The following MAPK10 variants were observed in gnomAD, a reference collection of about 807,000 sequenced individuals.
The protein encoded by MAPK10 is JNK3 alpha protein kinase.
MAPK10 carries 25 observed loss-of-function variants against 59.3 expected under a neutral mutation model. That is an observed-to-expected ratio of 0.42 (90% CI 0.31 to 0.59). The LOEUF is 0.59. Among genes scored for constraint, MAPK10 ranks in the 20% least tolerant of loss-of-function variants. The probability of loss-of-function intolerance (pLI) is 0.15; values close to 1 mark genes in which losing one functional copy is unlikely to be tolerated. For missense variants in MAPK10, 351 were observed against 568.9 expected (o/e 0.62, Z 3.90); for synonymous variants, 190 against 200.5 (o/e 0.95, Z 0.44).
intron 11 of MAPK10, chr4:86,031,713 G>A (rs1000888927): frequency 1.9e-5 from 6 of 319,976 alleles, no homozygotes; most frequent in Middle Eastern, 9.2e-4. Context: ...TAGAACCCAC[G>A]CCTAAGCAAT....
At chr4:86,245,534 A>G (rs753702246) in intron 2 of MAPK10, among the ~76,000 whole-genome samples, 111 of 152,120 alleles carry the variant, frequency 7.3e-4, no homozygotes, top group Non-Finnish European at 1.3e-3. Flanking sequence ...AGTTCTCACT[A>G]TATTGCCCAG....
At position 86,042,472 on chromosome 4, in the gene MAPK10, C is replaced by T. The variant is rs991656994; in HGVS notation, c.1111-11041G>A. Among the ~76,000 whole-genome samples the T allele has an allele frequency of 4.0e-5, 6 of 151,840 alleles. No individual in the cohort carries two copies. In the East Asian group the frequency reaches 1.2e-3, roughly 29 times the overall value. The stretch of plus-strand genomic sequence containing the variant: ...ACCTGCACGTTCTGCACATGTATCC[C>T]AGAACTTAAAGTAAAATTTTAAAAA... On this transcript the variant is annotated intron_variant, in intron 11 of 13. Coordinates refer to ENST00000641462, the MANE Select transcript of MAPK10 (RefSeq NM_138982.4).
chr4:86,578,491 A>G (rs769808740), intron 1 of MAPK10, among the ~76,000 whole-genome samples: 32 of 152,208 alleles, frequency 2.1e-4, no homozygotes, highest in Admixed American at 5.2e-4. Context: ...TTGCTTCTAC[A>G]AAGACATAAC....
intron 2 of MAPK10, among the ~76,000 whole-genome samples, chr4:86,291,495 G>A (rs1419424267): frequency 6.6e-6 from 1 of 152,112 alleles, no homozygotes; most frequent in Non-Finnish European, 1.5e-5. Flanking sequence ...TACAGAAAAA[G>A]TACAAGGTTT....
At chr4:86,103,846 CTTTA>C (rs2056032092) in intron 5 of MAPK10, among the ~76,000 whole-genome samples, 2 of 151,600 alleles carry the variant, frequency 1.3e-5, no homozygotes, top group African/African-American at 4.8e-5. Flanking sequence ...TTGTTTCCTG[CTTTA>C]TTTTATATAT....
At chr4:86,477,579 C>A (rs912053244) in intron 1 of MAPK10, among the ~76,000 whole-genome samples, 1 of 152,158 alleles carries the variant, frequency 6.6e-6, no homozygotes, top group Non-Finnish European at 1.5e-5. Context: ...GCCAATATCC[C>A]ATCCCACAGC....
chr4:86,296,341 T>C (rs114687537), intron 2 of MAPK10, among the ~76,000 whole-genome samples: 1 of 151,964 alleles, frequency 6.6e-6, no homozygotes, highest in Non-Finnish European at 1.5e-5. Flanking sequence ...TCAGAAGTGG[T>C]AGGGAAGAAC....
intron 1 of MAPK10, among the ~76,000 whole-genome samples, chr4:86,476,105 T>C (rs1235188508): frequency 2.0e-5 from 3 of 152,110 alleles, no homozygotes; most frequent in Non-Finnish European, 2.9e-5. Context: ...CCCTAGTCTG[T>C]TACCAATGTG....
chr4:86,037,377 G>A (rs544521087), intron 11 of MAPK10, among the ~76,000 whole-genome samples: 3 of 152,068 alleles, frequency 2.0e-5, no homozygotes, highest in South Asian at 2.1e-4. Flanking sequence ...AAAATTAGCC[G>A]GGCATTGTGG....
chr4:86,556,615 A>G (rs1047981809), intron 1 of MAPK10, among the ~76,000 whole-genome samples: 3 of 152,194 alleles, frequency 2.0e-5, no homozygotes, highest in Non-Finnish European at 4.4e-5. Context: ...GAAATAATAC[A>G]TAAAACAAAT....
At chr4:86,143,693 C>A (rs1340063174) in intron 4 of MAPK10, among the ~76,000 whole-genome samples, 1 of 152,104 alleles carries the variant, frequency 6.6e-6, no homozygotes, top group Non-Finnish European at 1.5e-5. Context: ...GTATCTGGAA[C>A]ATATTAAGTG....
chr4:86,528,831 C>A (rs1757664091), intron 1 of MAPK10, among the ~76,000 whole-genome samples: 1 of 152,220 alleles, frequency 6.6e-6, no homozygotes, highest in Non-Finnish European at 1.5e-5. Flanking sequence ...AGAACACTCT[C>A]ATTCAGATAT....
chr4:86,192,557 T>G (rs538175639), intron 3 of MAPK10: 1 of 152,102 alleles, frequency 6.6e-6, no homozygotes, highest in South Asian at 2.1e-4. Context: ...TTCCGCTTGA[T>G]GGATTTGGCT....
At chr4:86,401,099 CT>C (rs1743654835) in intron 1 of MAPK10, among the ~76,000 whole-genome samples, 1 of 152,044 alleles carries the variant, frequency 6.6e-6, no homozygotes, top group Non-Finnish European at 1.5e-5. Context: ...GCCTCTGTTC[CT>C]TTAACAGGAT....
At chr4:86,574,736 TATTA>T in intron 1 of MAPK10, among the ~76,000 whole-genome samples, 1 of 152,346 alleles carries the variant, frequency 6.6e-6, no homozygotes. Flanking sequence ...TAAACTCACT[TATTA>T]ATTTTAGTAG....
intron 2 of MAPK10, among the ~76,000 whole-genome samples, chr4:86,236,717 G>A (rs916159452): frequency 6.6e-6 from 1 of 152,146 alleles, no homozygotes; most frequent in African/African-American, 2.4e-5. Context: ...GGAAACGCAG[G>A]TCCTGGTTGA....
At chr4:86,475,469 C>T (rs1193018948) in intron 1 of MAPK10, among the ~76,000 whole-genome samples, 1 of 152,152 alleles carries the variant, frequency 6.6e-6, no homozygotes, top group Non-Finnish European at 1.5e-5. Context: ...TCAATCTCTC[C>T]CTTCTCTTAA....
At chr4:86,449,745 G>A (rs1385191271) in intron 1 of MAPK10, among the ~76,000 whole-genome samples, 3 of 152,226 alleles carry the variant, frequency 2.0e-5, no homozygotes, top group African/African-American at 4.8e-5. Context: ...TGGCAAAGGC[G>A]ATAGCATAGT....
At chr4:86,187,366 C>T (rs1437776873) in intron 3 of MAPK10, among the ~76,000 whole-genome samples, 2 of 152,158 alleles carry the variant, frequency 1.3e-5, no homozygotes, top group African/African-American at 4.8e-5. Context: ...ACGTAATTCA[C>T]TGGCAGGTGG....
Sources: gnomAD v4.1 joint callset for allele counts (sites outside exome capture counted in the v4.1 genomes callset) on GRCh38, gnomAD v4.1.1 for gene constraint, MANE v1.5 for transcripts, NCBI Gene and HGNC (gene_info 2026-07-23, HGNC 2026-07-21) for gene names.